Variants in HCRTR2 observed in about 807,000 individuals in gnomAD.
The protein encoded by HCRTR2 is hypocretin receptor 2, also known as orexin receptor type 2.
In HCRTR2, 22 loss-of-function variants were observed where a neutral mutation model predicts 49.0. The ratio of observed to expected loss-of-function variants is 0.45; its 90% CI spans 0.32 to 0.64. HCRTR2 has a LOEUF of 0.64. Ranked by LOEUF, HCRTR2 falls within the 30% of genes least tolerant of loss-of-function variation. The pLI, the probability that HCRTR2 is intolerant of heterozygous loss-of-function variation, is 0.04. For synonymous variants in HCRTR2, 236 were observed against 205.3 expected (o/e 1.15, Z -1.28); for missense variants, 491 against 559.4 (o/e 0.88, Z 1.23).
intron 1 of HCRTR2, among the ~76,000 whole-genome samples, chr6:55,151,867 A>G (rs1764668858): frequency 6.6e-6 from 1 of 151,938 alleles, no homozygotes; most frequent in Non-Finnish European, 1.5e-5. Flanking sequence ...GTTAGCAGGC[A>G]TGAAAACTAC....
chr6:55,182,304 G>T (rs903735500), intron 1 of HCRTR2, among the ~76,000 whole-genome samples: 6 of 152,180 alleles, frequency 3.9e-5, no homozygotes, highest in Admixed American at 2.0e-4. Context: ...GAATTGGTCT[G>T]GGTGACCAAC....
At chr6:55,267,693 T>C (rs1502209) in intron 4 of HCRTR2, among the ~76,000 whole-genome samples, 20 of 152,142 alleles carry the variant, frequency 1.3e-4, no homozygotes, top group African/African-American at 4.3e-4. Flanking sequence ...AGTTCAGCTT[T>C]TCAGGGCCTT....
intron 1 of HCRTR2, among the ~76,000 whole-genome samples, chr6:55,201,115 A>G (rs1765506237): frequency 6.6e-6 from 1 of 152,138 alleles, no homozygotes; most frequent in Admixed American, 6.5e-5. Flanking sequence ...CAGATTTCAG[A>G]GGACAGACAT....
chr6:55,283,137 A>T (rs1767229147), downstream of HCRTR2, among the ~76,000 whole-genome samples: 1 of 152,246 alleles, frequency 6.6e-6, no homozygotes, highest in Non-Finnish European at 1.5e-5. Context: ...ACACTTTAAC[A>T]TTTAAGAATA....
At chr6:55,241,798 G>A (rs1371355622) in intron 1 of HCRTR2, among the ~76,000 whole-genome samples, 1 of 150,394 alleles carries the variant, frequency 6.6e-6, no homozygotes, top group Non-Finnish European at 1.5e-5. Context: ...AGGTTTTTGA[G>A]GGACATCATT....
At chr6:55,134,617 C>T (rs537049289) in intron 1 of HCRTR2, among the ~76,000 whole-genome samples, 2 of 151,882 alleles carry the variant, frequency 1.3e-5, no homozygotes, top group African/African-American at 2.4e-5. Flanking sequence ...TGACCAACAT[C>T]TCCCCATTTT....
chr6:55,258,387 T>C (rs899363534), intron 3 of HCRTR2, among the ~76,000 whole-genome samples: 1 of 152,126 alleles, frequency 6.6e-6, no homozygotes, highest in African/African-American at 2.4e-5. Context: ...TCAAATAACT[T>C]TTGGAAAAGT....
At chr6:55,122,351 T>C (rs1397154307) in intron 1 of HCRTR2, among the ~76,000 whole-genome samples, 1 of 152,192 alleles carries the variant, frequency 6.6e-6, no homozygotes, top group African/African-American at 2.4e-5. Context: ...GATTCTTCTC[T>C]CTTTTCTTCT....
At chr6:55,215,723 GAGGTT>G (rs542915442) in intron 1 of HCRTR2, among the ~76,000 whole-genome samples, 276 of 152,334 alleles carry the variant, frequency 1.8e-3, no homozygotes, top group Middle Eastern at 0.014. Flanking sequence ...AAATAAGACT[GAGGTT>G]AGGTTTTTAT....
chr6:55,216,030 AGCAAGAGCCAAACTG>A lies in HCRTR2; in HGVS notation c.224-32606_224-32592del, dbSNP rs766162323. ...AGGCATCACATGACAAAAAAGCAAC[AGCAAGAGCCAAACTG>A]GCTTTTATCATAGGCCTAGTTTGTG... On this transcript the variant is annotated intron_variant, in intron 1 of 6. Coordinates refer to ENST00000370862, the MANE Select transcript of HCRTR2 (RefSeq NM_001384272.1). Among the ~76,000 whole-genome samples the A allele has an allele frequency of 2.6e-5, 4 of 152,218 alleles. No individual in the cohort carries two copies. The East Asian group carries it at 5.8e-4, about 22-fold the overall frequency.
rs559084065 is a variant in HCRTR2 at position 55,182,535 on chromosome 6, C to T, written c.223+7725C>T. 2.0e-5 allele frequency among the ~76,000 whole-genome samples: 3 copies of T among 152,268 alleles called. No homozygotes were observed. In the South Asian group the frequency reaches 6.2e-4, roughly 32 times the overall value. The stretch of plus-strand genomic sequence containing the variant: ...ACAACCTCATGTGTGAGCTTGGAAG[C>T]AAATCCTTCAGACCAGGTTGAGTCT... On this transcript the variant is annotated intron_variant, in intron 1 of 6. Transcript: ENST00000370862.
chr6:55,182,190 C>CTGTGGTAATCAGTTTCCAATA (rs1202035322), intron 1 of HCRTR2, among the ~76,000 whole-genome samples: 1 of 152,204 alleles, frequency 6.6e-6, no homozygotes, highest in Non-Finnish European at 1.5e-5. Context: ...AAGGTGGACT[C>CTGTGGTAATCAGTTTCCAATA]TGTGGTAATC....
chr6:55,118,713 C>A (rs1206811522), intron 1 of HCRTR2, among the ~76,000 whole-genome samples: 2 of 151,220 alleles, frequency 1.3e-5, no homozygotes, highest in South Asian at 2.1e-4. Flanking sequence ...TTGAAAGGTG[C>A]CTGTTCATTT....
At chr6:55,211,008 T>C (rs1162619309) in intron 1 of HCRTR2, among the ~76,000 whole-genome samples, 1 of 152,180 alleles carries the variant, frequency 6.6e-6, no homozygotes, top group Admixed American at 6.5e-5. Context: ...TTTAGATATG[T>C]TCAGATACAC....
intron 1 of HCRTR2, among the ~76,000 whole-genome samples, chr6:55,122,802 T>C (rs1402531919): frequency 6.6e-6 from 1 of 151,878 alleles, no homozygotes; most frequent in South Asian, 2.1e-4. Flanking sequence ...AAATGATGAG[T>C]TCATGTCCTT....
intron 1 of HCRTR2, among the ~76,000 whole-genome samples, chr6:55,218,778 T>A (rs1399592208): frequency 6.6e-6 from 1 of 152,158 alleles, no homozygotes; most frequent in Non-Finnish European, 1.5e-5. Flanking sequence ...TTAATGGAAC[T>A]GAAGGGAGAA....
At chr6:55,259,003 A>G (rs1244027229) in intron 3 of HCRTR2, among the ~76,000 whole-genome samples, 1 of 152,148 alleles carries the variant, frequency 6.6e-6, no homozygotes, top group African/African-American at 2.4e-5. Context: ...GTGAGCCGAG[A>G]TCATGGCACT....
chr6:55,124,748 T>A (rs1403075879), intron 1 of HCRTR2, among the ~76,000 whole-genome samples: 1 of 152,138 alleles, frequency 6.6e-6, no homozygotes, highest in Non-Finnish European at 1.5e-5. Flanking sequence ...GTAGTCTAAG[T>A]TTCTTGTAGG....
chr6:55,238,403 C>T (rs1220414128), intron 1 of HCRTR2, among the ~76,000 whole-genome samples: 2 of 152,136 alleles, frequency 1.3e-5, no homozygotes, highest in African/African-American at 4.8e-5. Context: ...AACATAAAGA[C>T]ATATATTTTC....
Sources: allele counts gnomAD v4.1 joint callset (sites outside exome capture counted in the v4.1 genomes callset), GRCh38; gene constraint gnomAD v4.1.1; transcripts MANE v1.5; gene names NCBI Gene and HGNC (gene_info 2026-07-23, HGNC 2026-07-21).